The following HDAC9 variants were observed in gnomAD, a reference collection of about 807,000 sequenced individuals.
HDAC9 encodes the protein MEF-2 interacting transcription repressor (MITR) protein.
HDAC9 carries 41 observed loss-of-function variants against 139.4 expected under a neutral mutation model. The ratio of observed to expected loss-of-function variants is 0.29; its 90% confidence interval spans 0.23 to 0.38. The LOEUF (loss-of-function observed/expected upper bound fraction) is 0.38, where lower values mean the gene tolerates loss of function less well. Among genes scored for constraint, HDAC9 ranks in the 10% least tolerant of loss-of-function variants. The pLI, the probability that HDAC9 is intolerant of heterozygous loss-of-function variation, is 1.00. For synonymous variants in HDAC9, 517 were observed against 476.2 expected (o/e 1.09, Z -1.12); for missense variants, 1,147 against 1,297.0 (o/e 0.88, Z 1.78).
intron 1 of HDAC9, among the ~76,000 whole-genome samples, chr7:18,095,771 A>G (rs888785400): frequency 3.9e-5 from 6 of 152,242 alleles, no homozygotes; most frequent in Admixed American, 3.3e-4. Context: ...GAATTGATGA[A>G]ATTAAAAGAA....
At chr7:18,522,596 A>AAAAAAAC (rs576117125) in intron 2 of HDAC9, among the ~76,000 whole-genome samples, 1 of 151,796 alleles carries the variant, frequency 6.6e-6, no homozygotes, top group African/African-American at 2.4e-5. Context: ...GGTTTTTTTA[A>AAAAAAAC]AAAAAACAAA....
chr7:18,574,272 G>C (rs905477453), intron 2 of HDAC9, among the ~76,000 whole-genome samples: 1 of 152,224 alleles, frequency 6.6e-6, no homozygotes, highest in Non-Finnish European at 1.5e-5. Flanking sequence ...CCCCCAGTCA[G>C]TAGTCCAGAC....
At chr7:18,507,850 T>C (rs1012591858) in intron 2 of HDAC9, among the ~76,000 whole-genome samples, 7 of 152,190 alleles carry the variant, frequency 4.6e-5, no homozygotes, top group Non-Finnish European at 7.4e-5. Flanking sequence ...CACACAGTAA[T>C]TGAAATGTAT....
At chr7:18,434,276 A>G (rs755813898) in intron 1 of HDAC9, among the ~76,000 whole-genome samples, 3 of 152,246 alleles carry the variant, frequency 2.0e-5, no homozygotes, top group Non-Finnish European at 4.4e-5. Flanking sequence ...AGATGGATTA[A>G]AGACTTAAGT....
At chr7:18,744,321 T>C (rs755116495) in intron 13 of HDAC9, among the ~76,000 whole-genome samples, 81 of 152,112 alleles carry the variant, frequency 5.3e-4, no homozygotes, top group Non-Finnish European at 9.3e-4. Context: ...TTAAATGTGG[T>C]AAAATGAAGC....
rs1282662637 is a variant in HDAC9 at position 18,540,546 on chromosome 7, A to G, written c.22+44222A>G. Among the ~76,000 whole-genome samples the G allele has an allele frequency of 2.6e-5, 4 of 152,216 alleles. No individual in the cohort carries two copies. The East Asian group carries it at 7.7e-4, about 29-fold the overall frequency. On this transcript the variant is annotated intron_variant, in intron 2 of 25. Coordinates refer to ENST00000686413, the MANE Select transcript of HDAC9 (RefSeq NM_178425.4). ...GCATATACTATTAAAAAGTTATTGC[A>G]TGAAGTCAGGGTGTAGACATATCGG...
intron 1 of HDAC9, among the ~76,000 whole-genome samples, chr7:18,118,355 G>A (rs985153930): frequency 1.3e-5 from 2 of 152,110 alleles, no homozygotes; most frequent in Non-Finnish European, 2.9e-5. Context: ...GGTAGAATGG[G>A]GGTGAAGGCC....
At chr7:18,909,064 T>C (rs1304304534) in intron 22 of HDAC9, among the ~76,000 whole-genome samples, 2 of 152,178 alleles carry the variant, frequency 1.3e-5, no homozygotes, top group East Asian at 1.9e-4. Flanking sequence ...TAGTTATTGT[T>C]TGTCTTTTTC....
intron 2 of HDAC9, among the ~76,000 whole-genome samples, chr7:18,518,591 A>C (rs957988407): frequency 6.6e-6 from 1 of 152,182 alleles, no homozygotes; most frequent in Non-Finnish European, 1.5e-5. Context: ...AGCACACAAT[A>C]AAAAGCAAAA....
chr7:18,954,164 G>T lies in HDAC9; in HGVS notation c.2956G>T (p.Asp986Tyr). The change falls in exon 24 of 26, where the codon GAT becomes TAT. Residue 986 changes from aspartate to tyrosine, a missense_variant. Physicochemically the swap from Asp to Tyr is radical, Grantham distance 160. This residue lies in a region of HDAC9 where 407 missense variants were observed against 521.5 expected (regional missense o/e 0.78). Coordinates refer to ENST00000686413, the MANE Select transcript of HDAC9 (RefSeq NM_178425.4). ...LGNELEPLAEDILHQSPNMNA... is the reference protein window; with the variant it reads ...LGNELEPLAEYILHQSPNMNA... Reference sequence around the variant, plus strand: ...CTTGCAGCTGGAGCCACTTGCAGAAGATATTCTCCACCAAAGCCCGAATAT... The same window carrying T: ...CTTGCAGCTGGAGCCACTTGCAGAATATATTCTCCACCAAAGCCCGAATAT... 1 of 1,571,706 alleles carries T rather than the reference G, an allele frequency of 6.4e-7. No individual in the cohort carries two copies. Among genetic ancestry groups the T allele is most frequent in the South Asian group, 1.2e-5 (1 of 85,952 alleles).
intron 2 of HDAC9, among the ~76,000 whole-genome samples, chr7:18,236,606 A>T (rs1007361337): frequency 6.6e-6 from 1 of 152,198 alleles, no homozygotes; most frequent in Admixed American, 6.5e-5. Flanking sequence ...AGAATTTTCT[A>T]TGTACACTCT....
chr7:18,895,535 G>C (rs1801110457), intron 22 of HDAC9, among the ~76,000 whole-genome samples: 1 of 152,086 alleles, frequency 6.6e-6, no homozygotes, highest in Non-Finnish European at 1.5e-5. Context: ...ACAAAAGTGA[G>C]TCACTAAATC....
intron 6 of HDAC9, among the ~76,000 whole-genome samples, chr7:18,620,611 C>T (rs971265146): frequency 6.6e-6 from 1 of 151,728 alleles, no homozygotes; most frequent in Non-Finnish European, 1.5e-5. Context: ...TTCACCTGAG[C>T]CAGCCGAGTG....
At chr7:18,194,737 A>C (rs557133609) in intron 2 of HDAC9, among the ~76,000 whole-genome samples, 1 of 152,306 alleles carries the variant, frequency 6.6e-6, no homozygotes, top group South Asian at 2.1e-4. Flanking sequence ...TCATATGACC[A>C]TCTTATTGAG....
chr7:18,223,186 T>C (rs1184991583), intron 2 of HDAC9, among the ~76,000 whole-genome samples: 1 of 152,178 alleles, frequency 6.6e-6, no homozygotes, highest in Non-Finnish European at 1.5e-5. Context: ...TAAGGGTGTT[T>C]GTTTTTTCTA....
At chr7:18,857,652 G>A (rs1797790592) in intron 21 of HDAC9, among the ~76,000 whole-genome samples, 1 of 152,028 alleles carries the variant, frequency 6.6e-6, no homozygotes, top group South Asian at 2.1e-4. Context: ...CTTCATCCAT[G>A]CCATCTGAAC....
intron 21 of HDAC9, among the ~76,000 whole-genome samples, chr7:18,840,208 A>T (rs1489121460): frequency 6.6e-6 from 1 of 152,092 alleles, no homozygotes; most frequent in Non-Finnish European, 1.5e-5. Flanking sequence ...TAGCTAAAGA[A>T]AGGTCATAGA....
intron 1 of HDAC9, 114 bp downstream of exon 1, chr7:18,496,137 G>T (rs997221994): frequency 7.1e-7 from 1 of 1,403,762 alleles, no homozygotes; most frequent in African/African-American, 1.4e-5. Flanking sequence ...GGAGGAGGGA[G>T]AACCAGCGAG....
At chr7:18,268,912 T>G (rs1796170385) in intron 2 of HDAC9, among the ~76,000 whole-genome samples, 1 of 152,240 alleles carries the variant, frequency 6.6e-6, no homozygotes, top group South Asian at 2.1e-4. Flanking sequence ...GAATAGCTTT[T>G]ATTGCCACCA....
Sources: allele counts gnomAD v4.1 joint callset (sites outside exome capture counted in the v4.1 genomes callset), GRCh38; gene constraint gnomAD v4.1.1; regional missense constraint gnomAD v4.1.1; transcripts MANE v1.5; gene names NCBI Gene and HGNC (gene_info 2026-07-23, HGNC 2026-07-21).